NFAT5: variants seen among roughly 807,000 people sequenced by gnomAD.
The protein encoded by NFAT5 is nuclear factor of activated T-cells 5.
In NFAT5, 31 loss-of-function variants were observed where a neutral mutation model predicts 166.5. The observed-to-expected ratio is 0.19, with a 90% CI of 0.14 to 0.25. The LOEUF is 0.25. Ranked by LOEUF, NFAT5 falls within the 10% of genes least tolerant of loss-of-function variation. The pLI, the probability that NFAT5 is intolerant of heterozygous loss-of-function variation, is 1.00. For missense variants in NFAT5, 1,449 were observed against 1,821.8 expected (o/e 0.80, Z 3.72); for synonymous variants, 612 against 639.7 (o/e 0.96, Z 0.65).
At chr16:69,665,066 A>G (rs1328449439) in intron 7 of NFAT5, among the ~76,000 whole-genome samples, 1 of 152,156 alleles carries the variant, frequency 6.6e-6, no homozygotes, top group East Asian at 1.9e-4. Context: ...TAAAAATAAA[A>G]CAGTTAATGC....
intron 9 of NFAT5, among the ~76,000 whole-genome samples, chr16:69,676,024 C>A (rs2036818213): frequency 6.6e-6 from 1 of 152,148 alleles, no homozygotes; most frequent in Non-Finnish European, 1.5e-5. Flanking sequence ...GAAATGGAAA[C>A]CTTGACCTTG....
intron 2 of NFAT5, among the ~76,000 whole-genome samples, chr16:69,571,129 TAAAAAAAAAAA>T (rs56221116): frequency 8.3e-4 from 26 of 31,380 alleles, no homozygotes; most frequent in East Asian, 2.9e-3. Flanking sequence ...CCATCTCTAC[TAAAAAAAAAAA>T]AAAAAAAAAA....
intron 10 of NFAT5, among the ~76,000 whole-genome samples, chr16:69,683,431 C>T (rs2037154519): frequency 6.6e-6 from 1 of 151,500 alleles, no homozygotes; most frequent in African/African-American, 2.4e-5. Context: ...ACTCAGGAGG[C>T]TGAGGTGGGT....
At chr16:69,632,096 C>T (rs1231160697) in intron 3 of NFAT5, 1 of 152,106 alleles carries the variant, frequency 6.6e-6, no homozygotes, top group Admixed American at 6.5e-5. Context: ...GTCCTATAAT[C>T]AAATAAGTGC....
chr16:69,681,140 A>G (rs183772048), intron 10 of NFAT5, among the ~76,000 whole-genome samples: 8 of 152,330 alleles, frequency 5.3e-5, no homozygotes, highest in South Asian at 2.1e-4. Flanking sequence ...ATATGATTTC[A>G]GGAAAACTTG....
intron 7 of NFAT5, among the ~76,000 whole-genome samples, chr16:69,663,108 A>C (rs1450212160): frequency 1.3e-5 from 2 of 152,278 alleles, no homozygotes; most frequent in East Asian, 3.9e-4. Flanking sequence ...AAACAGGAAG[A>C]GAGAGAGGTA....
rs548328982 is a variant in NFAT5, at chr16:69,688,174, G to A, written c.1775-2766G>A. Among the ~76,000 whole-genome samples, 1,257 of 133,008 alleles carry A rather than the reference G, an allele frequency of 9.5e-3. 19 individuals are homozygous for A. The highest frequency in any genetic ancestry group is 0.033 in the African/African-American group (1,180 of 35,372). 87.3% of individuals were successfully genotyped at this position (133,008 alleles called of 152,430 possible). ...TTGCGCCACTGCAGTCCGCAGTCCC[G>A]CCTGGGCGACAGAGCGAGACTCCGT... On this transcript the variant is annotated intron_variant, in intron 11 of 14. Transcript: ENST00000349945.
chr16:69,677,554 A>G (rs2036879326), intron 10 of NFAT5, among the ~76,000 whole-genome samples: 1 of 152,176 alleles, frequency 6.6e-6, no homozygotes, highest in African/African-American at 2.4e-5. Context: ...CTATAATAAT[A>G]AAAGGCAGCA....
Position 69,698,500 on chromosome 16 carries a change from G to A in NFAT5, c.*2149G>A, listed in dbSNP as rs1354604013. 2.0e-5 allele frequency: 3 copies of A among 151,192 alleles called. No homozygotes were observed. The highest frequency in any genetic ancestry group is 7.3e-5 in the African/African-American group (3 of 41,012). The allele number at this position is 151,192 out of a possible 1,614,324, so 9.4% of individuals were successfully genotyped here. ...TGGCGTCTGATAACAGTGAGGGGGG[G>A]TGGGGTTTGTTATGTCTTTATTGAG... On this transcript the variant is annotated 3_prime_UTR_variant, in exon 15 of 15. Coordinates refer to ENST00000349945, the MANE Select transcript of NFAT5 (RefSeq NM_138713.4).
At chr16:69,580,907 G>A (rs1181488635) in intron 2 of NFAT5, among the ~76,000 whole-genome samples, 2 of 152,116 alleles carry the variant, frequency 1.3e-5, no homozygotes, top group Middle Eastern at 3.4e-3. Flanking sequence ...CGCCCACCTC[G>A]GCCTCCCGGA....
At chr16:69,639,946 A>G (rs1220276078) in intron 3 of NFAT5, among the ~76,000 whole-genome samples, 1 of 152,222 alleles carries the variant, frequency 6.6e-6, no homozygotes, top group East Asian at 1.9e-4. Context: ...AATTTTTTGA[A>G]GTTCATTTTA....
intron 2 of NFAT5, among the ~76,000 whole-genome samples, chr16:69,607,770 T>G (rs745740176): frequency 2.0e-5 from 3 of 152,352 alleles, no homozygotes; most frequent in Middle Eastern, 6.8e-3. Context: ...ATTTTCTATT[T>G]TCTTTTTCTC....
rs1469070180 is a variant in NFAT5 at position 69,647,386 on chromosome 16, G to A, written c.612G>A (p.Met204Ile). The change falls in exon 4 of 15, where the codon ATG becomes ATA. Residue 204 changes from methionine (M) to isoleucine (I), a missense_variant. By Grantham distance (10) the Met-to-Ile change is conservative. This residue lies in a region of NFAT5 where 115 missense variants were observed against 177.1 expected (regional missense o/e 0.65). Transcript: ENST00000349945. This position sits in a 1 kb window ranked among gnomAD's most constrained non-coding sequence, Gnocchi z 4.8. ...MEDSPSNFSN[M>I]STSSYNDNTE... ...ATTCCCCCTCCAACTTCAGTAACAT[G>A]AGCACCAGTTCCTACAATGATAACA... The A allele has an allele frequency of 1.2e-6, 2 of 1,614,042 alleles. No homozygotes were observed. Among genetic ancestry groups the A allele is most frequent in the Non-Finnish European group, 1.7e-6 (2 of 1,180,050 alleles).
intron 2 of NFAT5, among the ~76,000 whole-genome samples, chr16:69,619,026 C>T (rs1345099367): frequency 1.3e-5 from 2 of 152,166 alleles, no homozygotes; most frequent in African/African-American, 2.4e-5. Context: ...TATTATCCAC[C>T]TCTGTATAGA....
In NFAT5 at chr16:69,697,098, A is replaced by G. The variant is rs2037787807; in HGVS notation, c.*747A>G. On this transcript the variant is annotated 3_prime_UTR_variant, in exon 15 of 15. Transcript: ENST00000349945. ...CTGTAAAAAATGAAGGGGATAATAT[A>G]TGATAAATTATGTTCTGATATCCTC... 1 of 152,634 alleles carries G rather than the reference A, an allele frequency of 6.6e-6. No individual in the cohort carries two copies. The highest frequency in any genetic ancestry group is 1.5e-5 in the Non-Finnish European group (1 of 68,038). 9.5% of individuals were successfully genotyped at this position (152,634 alleles called of 1,614,324 possible).
intron 3 of NFAT5, among the ~76,000 whole-genome samples, chr16:69,638,335 G>A (rs372219337): frequency 2.6e-5 from 4 of 152,228 alleles, no homozygotes; most frequent in South Asian, 4.1e-4. Flanking sequence ...TGGATCTAAC[G>A]TACACTTTAC....
At chr16:69,590,803 G>A (rs938273513) in intron 2 of NFAT5, among the ~76,000 whole-genome samples, 2 of 152,210 alleles carry the variant, frequency 1.3e-5, no homozygotes, top group Admixed American at 6.5e-5. Context: ...CTGGGGTAGA[G>A]TGTTGTGGGA....
intron 10 of NFAT5, among the ~76,000 whole-genome samples, chr16:69,679,075 A>G (rs138837183): frequency 2.0e-5 from 3 of 152,136 alleles, no homozygotes; most frequent in African/African-American, 4.8e-5. Context: ...AGCTGGCACT[A>G]CAGGCATGCA....
intron 4 of NFAT5, among the ~76,000 whole-genome samples, chr16:69,652,558 T>C (rs2035716827): frequency 6.6e-6 from 1 of 152,104 alleles, no homozygotes; most frequent in Non-Finnish European, 1.5e-5. Flanking sequence ...AAAAATAATC[T>C]GAAAAATCAC....
Sources: gnomAD v4.1 joint callset for allele counts (sites outside exome capture counted in the v4.1 genomes callset) on GRCh38, gnomAD v4.1.1 for gene constraint, gnomAD v4.1.1 regional missense constraint, Gnocchi (gnomAD v3.1) non-coding constraint, MANE v1.5 for transcripts, NCBI Gene and HGNC (gene_info 2026-07-23, HGNC 2026-07-21) for gene names.